Variants in EVC observed in about 807,000 individuals in gnomAD.
The protein encoded by EVC is EvC ciliary complex subunit 1.
EVC carries 116 observed loss-of-function variants against 118.9 expected under a neutral mutation model. The observed-to-expected ratio is 0.98, with a 90% CI of 0.84 to 1.14. The LOEUF is 1.14. EVC is among the 50% of genes most tolerant of loss of function. EVC has a pLI of 0.00. For missense variants in EVC, 1,401 were observed against 1,246.4 expected, an observed-to-expected ratio of 1.12 and a Z score of -1.87; for synonymous variants, 619 against 534.7, an observed-to-expected ratio of 1.16 and a Z score of -2.18.
Position 5,798,517 on chromosome 4 carries a change from C to A in EVC, c.2098-69C>A. The A allele has an allele frequency of 6.7e-7, 1 of 1,485,524 alleles. No individual in the cohort carries two copies. Among genetic ancestry groups the A allele is most frequent in the African/African-American group, 1.4e-5 (1 of 71,928 alleles). 92.0% of individuals were successfully genotyped at this position (1,485,524 alleles called of 1,614,324 possible). ...GCCCTGGATAGGACCAGCCCCACAT[C>A]CCAGTCCTGGCCAGAGCTTCTCTGT... On this transcript the variant is annotated intron_variant, in intron 14 of 20. Coordinates refer to ENST00000264956, the MANE Select transcript of EVC (RefSeq NM_153717.3). The surrounding 1 kb of genome is among the most constrained non-coding windows in gnomAD (Gnocchi z 4.1).
chr4:5,736,913 C>T (rs1727785910), intron 5 of EVC, among the ~76,000 whole-genome samples: 2 of 152,166 alleles, frequency 1.3e-5, no homozygotes, highest in South Asian at 4.1e-4. Flanking sequence ...TCGCGTGTCT[C>T]TCACTTTTAA....
At chr4:5,804,680 A>G (rs1356340902) in intron 16 of EVC, 50 bp from the exon 17 acceptor site, 2 of 1,553,564 alleles carry the variant, frequency 1.3e-6, no homozygotes, top group Admixed American at 3.4e-5. Flanking sequence ...GACCTGGCAC[A>G]GTGGATCCTC....
chr4:5,762,309 C>T (rs1732187809), intron 11 of EVC, among the ~76,000 whole-genome samples: 1 of 137,502 alleles, frequency 7.3e-6, no homozygotes, highest in Non-Finnish European at 1.6e-5. Flanking sequence ...CATTGTTGGA[C>T]ATTTGGGTTG....
In EVC at chr4:5,728,049, G is replaced by A. The variant is rs367979048; in HGVS notation, c.301-1258G>A. Among the ~76,000 whole-genome samples, 55 of 151,722 alleles carry A rather than the reference G, an allele frequency of 3.6e-4. No individual in the cohort carries two copies. In the East Asian group the frequency reaches 5.2e-3, roughly 14 times the overall value. On this transcript the variant is annotated intron_variant, in intron 2 of 20. Transcript: ENST00000264956. ...TCTTTTGGCTTAGGATTGACTTGGC[G>A]ATGCGGGCTCTTTTTTGGTTCCATA... is the stretch of plus-strand genomic sequence containing the variant.
chr4:5,794,978 A>G (rs1414698305), intron 13 of EVC, among the ~76,000 whole-genome samples: 2 of 152,208 alleles, frequency 1.3e-5, no homozygotes, highest in Non-Finnish European at 2.9e-5. Context: ...AAGTGAGAAC[A>G]TGCAGTATTT....
chr4:5,750,052 C>T (rs1428220654), intron 8 of EVC, among the ~76,000 whole-genome samples: 1 of 151,916 alleles, frequency 6.6e-6, no homozygotes, highest in African/African-American at 2.4e-5. Flanking sequence ...CACACATGGC[C>T]TTTTTTTTCT....
intron 12 of EVC, among the ~76,000 whole-genome samples, chr4:5,791,820 C>G (rs1002715541): frequency 1.3e-5 from 2 of 152,120 alleles, no homozygotes; most frequent in Non-Finnish European, 2.9e-5. Context: ...TGAACACTGT[C>G]CAACTCCCCA....
Position 5,711,547 on chromosome 4 carries a change from G to T in EVC, c.167G>T (p.Arg56Leu). 1 of 1,159,000 alleles carries T rather than the reference G, an allele frequency of 8.6e-7. No homozygotes were observed. The highest frequency in any genetic ancestry group is 4.3e-5 in the South Asian group (1 of 23,338). The allele number at this position is 1,159,000 out of a possible 1,614,324, so 71.8% of individuals were successfully genotyped here. A position where few individuals can be genotyped will look rare whatever the true frequency, so the allele number is the denominator to read the frequency against. The part of the protein sequence containing the change: ...LGCRAGRQRT[R>L]HQKDDTQNLL... ...TGCCGCGCGGGCCGCCAGCGCACGC[G>T]ACACCAGGTGGGTCGGCCGAGCAGA... Residue 56 changes from arginine to leucine, a missense_variant, in exon 1 of 21, where the codon CGA becomes CTA. Coordinates refer to ENST00000264956, the MANE Select transcript of EVC (RefSeq NM_153717.3).
chr4:5,809,830 TG>T (rs1716599547), intron 19 of EVC, among the ~76,000 whole-genome samples: 1 of 152,164 alleles, frequency 6.6e-6, no homozygotes, highest in East Asian at 1.9e-4. Context: ...TTGGGTCTGG[TG>T]TTCACTGGCT....
At chr4:5,759,081 C>T (rs568241996) in intron 11 of EVC, among the ~76,000 whole-genome samples, 13 of 140,356 alleles carry the variant, frequency 9.3e-5, no homozygotes, top group Non-Finnish European at 4.7e-5. Flanking sequence ...GCGGTGGGGG[C>T]GGGTCCTCTG....
At chr4:5,816,280 A>G (rs548259069), downstream of EVC, among the ~76,000 whole-genome samples, 73 of 152,252 alleles carry the variant, frequency 4.8e-4, no homozygotes, top group African/African-American at 1.7e-3. Flanking sequence ...TGTGGTGGCC[A>G]TGAACATGTA....
At position 5,808,085 on chromosome 4, in the gene EVC, G is replaced by A. The variant is rs1716212807; in HGVS notation, c.2562-116G>A. 1.4e-5 allele frequency: 12 copies of A among 838,744 alleles called. No individual in the cohort carries two copies. The South Asian group carries it at 1.8e-4, about 13-fold the overall frequency. The allele number at this position is 838,744 out of a possible 1,614,324, so 52.0% of individuals were successfully genotyped here. A position where few individuals can be genotyped will look rare whatever the true frequency, so the allele number is the denominator to read the frequency against. On this transcript the variant is annotated intron_variant, in intron 17 of 20. Coordinates refer to ENST00000264956, the MANE Select transcript of EVC (RefSeq NM_153717.3). ...TGTGAATGGTGCCCCCGATGGCCAG[G>A]CCCCTCTTGGGGCTCCCAGGGATCA...
At chr4:5,816,022 C>A (rs1717620835), downstream of EVC, among the ~76,000 whole-genome samples, 1 of 152,030 alleles carries the variant, frequency 6.6e-6, no homozygotes, top group African/African-American at 2.4e-5. Context: ...ATTTTCCCCC[C>A]ATGGCTTATA....
At chr4:5,817,328 T>C (rs562897022), downstream of EVC, among the ~76,000 whole-genome samples, 1 of 152,296 alleles carries the variant, frequency 6.6e-6, no homozygotes, top group South Asian at 2.1e-4. Flanking sequence ...TCCCGTCTGA[T>C]AGGGAAAGAC....
Position 5,742,061 on chromosome 4 carries a change from T to C in EVC, c.801+247T>C, listed in dbSNP as rs905281609. Reference sequence around the variant, plus strand: ...ATATCTACTACTCAAAGACGGTCACTGTTAATGTTTTTTTCTGCACACATT... The same window carrying C: ...ATATCTACTACTCAAAGACGGTCACCGTTAATGTTTTTTTCTGCACACATT... On this transcript the variant is annotated intron_variant, in intron 6 of 20. Transcript: ENST00000264956. This position sits in a 1 kb window ranked among gnomAD's most constrained non-coding sequence, Gnocchi z 5.2. 5.3e-5 allele frequency among the ~76,000 whole-genome samples: 8 copies of C among 152,212 alleles called. No individual in the cohort carries two copies. The highest frequency in any genetic ancestry group is 1.9e-4 in the African/African-American group (8 of 41,456).
chr4:5,770,693 C>G (rs1733806316), intron 11 of EVC, among the ~76,000 whole-genome samples: 1 of 152,142 alleles, frequency 6.6e-6, no homozygotes, highest in Non-Finnish European at 1.5e-5. Flanking sequence ...TTGATGAATA[C>G]ACAAATCAGT....
the EVC span, chr4:5,828,688 G>A: frequency 3.5e-5 from 56 of 1,607,890 alleles, no homozygotes; most frequent in African/African-American, 9.4e-5. Flanking sequence ...CAGCCTCAGT[G>A]TTACTTCCCA....
At chr4:5,757,085 C>G (rs529340755) in intron 11 of EVC, among the ~76,000 whole-genome samples, 5 of 152,256 alleles carry the variant, frequency 3.3e-5, no homozygotes, top group African/African-American at 1.2e-4. Flanking sequence ...TGGCCTCTAG[C>G]CCTCAGTTTC....
At position 5,755,690 on chromosome 4, in the gene EVC, C is replaced by T. The variant is rs980032678; in HGVS notation, c.1465-574C>T. ...CCAACAGGGAATTTTCTCCTGCAAC[C>T]CTTCCCTGAGAAGGGTCTGTTCCTC... On this transcript the variant is annotated intron_variant, in intron 10 of 20. Transcript: ENST00000264956. This position sits in a 1 kb window ranked among gnomAD's most constrained non-coding sequence, Gnocchi z 4.1. 6.6e-6 allele frequency among the ~76,000 whole-genome samples: 1 copy of T among 152,156 alleles called. No individual in the cohort carries two copies. Among genetic ancestry groups the T allele is most frequent in the Non-Finnish European group, 1.5e-5 (1 of 68,028 alleles).
Sources: allele counts gnomAD v4.1 joint callset (sites outside exome capture counted in the v4.1 genomes callset), GRCh38; gene constraint gnomAD v4.1.1; non-coding constraint Gnocchi (gnomAD v3.1); transcripts MANE v1.5; gene names NCBI Gene and HGNC (gene_info 2026-07-23, HGNC 2026-07-21).